The following DNAJB6 variants were observed in gnomAD, a reference collection of about 807,000 sequenced individuals.
DNAJB6 encodes the protein dnaJ homolog subfamily B member 6.
DNAJB6 carries 16 observed loss-of-function variants against 42.7 expected under a neutral mutation model. The ratio of observed to expected loss-of-function variants is 0.37; its 90% CI spans 0.25 to 0.57. The LOEUF (loss-of-function observed/expected upper bound fraction) is 0.57. Ranked by LOEUF, DNAJB6 falls within the 20% of genes least tolerant of loss-of-function variation. The pLI is 0.74. For missense variants in DNAJB6, 347 were observed against 416.8 expected (o/e 0.83, Z 1.46); for synonymous variants, 170 against 163.5 (o/e 1.04, Z -0.30).
intron 8 of DNAJB6, among the ~76,000 whole-genome samples, chr7:157,399,996 G>T (rs1368888015): frequency 6.6e-6 from 1 of 152,222 alleles, no homozygotes; most frequent in African/African-American, 2.4e-5. Flanking sequence ...ATATCAGCAT[G>T]AGTTAAGTTT....
At chr7:157,395,055 C>T (rs544799753) in intron 8 of DNAJB6, among the ~76,000 whole-genome samples, 44 of 152,256 alleles carry the variant, frequency 2.9e-4, no homozygotes, top group African/African-American at 9.6e-4. Context: ...TTGCACCACT[C>T]GGCACTCCAG....
At chr7:157,339,145 C>T (rs946042163) in intron 1 of DNAJB6, among the ~76,000 whole-genome samples, 3 of 152,030 alleles carry the variant, frequency 2.0e-5, no homozygotes, top group African/African-American at 7.3e-5. Flanking sequence ...CGTACATTAG[C>T]TTTCATTTTT....
intron 8 of DNAJB6, among the ~76,000 whole-genome samples, chr7:157,386,808 C>G (rs563965590): frequency 6.6e-6 from 1 of 151,168 alleles, no homozygotes; most frequent in Non-Finnish European, 1.5e-5. Flanking sequence ...TGCTTGAACC[C>G]GGGAGGTGGA....
At chr7:157,361,501 G>T (rs985615507) in intron 2 of DNAJB6, among the ~76,000 whole-genome samples, 11 of 152,262 alleles carry the variant, frequency 7.2e-5, no homozygotes, top group Admixed American at 5.9e-4. Flanking sequence ...TTACTGTTAA[G>T]TATTCTGGAC....
chr7:157,408,712 A>C lies in DNAJB6; in HGVS notation c.692-1083A>C, dbSNP rs561512036. ...GCACTCAGCACTGGAAGTGGTGTAT[A>C]GGCCAGTTTAATTGGAGAAGCTCCT... On this transcript the variant is annotated intron_variant, in intron 8 of 9. Transcript: ENST00000262177. Among the ~76,000 whole-genome samples, 3 of 152,328 alleles carry C rather than the reference A, an allele frequency of 2.0e-5. No individual in the cohort carries two copies. In the South Asian group the frequency reaches 6.2e-4, roughly 32 times the overall value.
In DNAJB6 at chr7:157,409,941, G is replaced by A; in HGVS notation, c.838G>A (p.Glu280Lys). 6.5e-7 allele frequency: 1 copy of A among 1,536,908 alleles called. No homozygotes were observed. Among genetic ancestry groups the A allele is most frequent in the South Asian group, 1.2e-5 (1 of 83,970 alleles). Residue 280 changes from glutamate to lysine, a missense_variant, in exon 9 of 10, where the codon GAG becomes AAG. By Grantham distance (56) the Glu-to-Lys change is moderately conservative. Transcript: ENST00000262177. The stretch of plus-strand genomic sequence containing the variant: ...CGCGCCTCACTGTCTCTCTGAGGAG[G>A]AGGGCGAGCAGGACCGACCTCGGGC... ...RHAPHCLSEE[E>K]GEQDRPRAPG... is the part of the protein sequence containing the mutation.
chr7:157,345,826 A>G (rs1437758141), intron 1 of DNAJB6, among the ~76,000 whole-genome samples: 3 of 152,318 alleles, frequency 2.0e-5, no homozygotes, highest in African/African-American at 4.8e-5. Context: ...ATGGACACCT[A>G]TGCTTGTAGA....
chr7:157,393,940 G>A (rs1254743943), intron 8 of DNAJB6, among the ~76,000 whole-genome samples: 7 of 152,130 alleles, frequency 4.6e-5, no homozygotes, highest in African/African-American at 9.7e-5. Flanking sequence ...AAGCATCCAC[G>A]GTGTTCTGAG....
At chr7:157,376,851 G>T (rs1016354172) in intron 5 of DNAJB6, among the ~76,000 whole-genome samples, 3 of 152,182 alleles carry the variant, frequency 2.0e-5, no homozygotes, top group Non-Finnish European at 4.4e-5. Context: ...CTACACTCCA[G>T]CCTGGGCGAC....
At chr7:157,373,642 T>C (rs995804472) in intron 5 of DNAJB6, among the ~76,000 whole-genome samples, 9 of 152,216 alleles carry the variant, frequency 5.9e-5, no homozygotes, top group Non-Finnish European at 1.3e-4. Flanking sequence ...TGAGCCACCA[T>C]GCCTGGCCAA....
intron 8 of DNAJB6, among the ~76,000 whole-genome samples, chr7:157,396,664 C>T (rs548553477): frequency 4.5e-4 from 69 of 152,280 alleles, no homozygotes; most frequent in African/African-American, 1.6e-3. Flanking sequence ...CTCTGTGGAC[C>T]GCAGCTGTGT....
intron 8 of DNAJB6, among the ~76,000 whole-genome samples, chr7:157,392,539 A>G (rs1250114429): frequency 6.6e-6 from 1 of 152,096 alleles, no homozygotes; most frequent in Non-Finnish European, 1.5e-5. Flanking sequence ...TGTGGGAAAC[A>G]GCCAGCTTTG....
chr7:157,386,145 C>T (rs1801045346), intron 8 of DNAJB6: 1 of 938,748 alleles, frequency 1.1e-6, no homozygotes, highest in East Asian at 1.2e-4. Context: ...AGGATGTTTT[C>T]TAGTTGTGCA....
At chr7:157,390,396 T>A (rs867766481) in intron 8 of DNAJB6, among the ~76,000 whole-genome samples, 2 of 152,138 alleles carry the variant, frequency 1.3e-5, no homozygotes, top group Non-Finnish European at 2.9e-5. Context: ...CCCTGTTAGG[T>A]TGGTTTCTCT....
Position 157,385,629 on chromosome 7 carries a change from C to T in DNAJB6, c.691+18C>T, listed in dbSNP as rs370850400. On this transcript the variant is annotated intron_variant, in intron 8 of 9. Coordinates refer to ENST00000262177, the MANE Select transcript of DNAJB6 (RefSeq NM_058246.4). ...AATAAATGGTAAGGAGCAGCTGCTG[C>T]GCTTGGATAACAAGTAATTCAACGC... 59 of 1,613,264 alleles carry T rather than the reference C, an allele frequency of 3.7e-5. No individual in the cohort carries two copies. The highest frequency in any genetic ancestry group is 4.4e-5 in the Non-Finnish European group (52 of 1,179,732).
chr7:157,381,019 A>G (rs1800739535), intron 5 of DNAJB6: 1 of 151,004 alleles, frequency 6.6e-6, no homozygotes. Flanking sequence ...TTTAGTAGAG[A>G]CAAAGTCTTG....
At chr7:157,389,949 G>A (rs976839319) in intron 8 of DNAJB6, among the ~76,000 whole-genome samples, 1 of 152,236 alleles carries the variant, frequency 6.6e-6, no homozygotes, top group African/African-American at 2.4e-5. Flanking sequence ...GCAGACCCCT[G>A]ACTGCGCTTT....
At chr7:157,346,339 TTAAAGA>T (rs896003674) in intron 1 of DNAJB6, among the ~76,000 whole-genome samples, 16 of 79,964 alleles carry the variant, frequency 2.0e-4, no homozygotes, top group South Asian at 4.4e-4. Context: ...AAAAAAAAAG[TTAAAGA>T]TACAACTTAG....
At position 157,369,743 on chromosome 7, in the gene DNAJB6, A is replaced by AGGCCTTTCATAACGTTATTATTAAACG. The variant is rs1800044498; in HGVS notation, c.346+2264_346+2265insTTTCATAACGTTATTATTAAACGGGCC. 1.2e-4 allele frequency among the ~76,000 whole-genome samples: 15 copies of AGGCCTTTCATAACGTTATTATTAAACG among 124,282 alleles called. 1 individual carries two copies. The highest frequency in any genetic ancestry group is 3.1e-4 in the Admixed American group (4 of 13,070). 81.5% of individuals were successfully genotyped at this position (124,282 alleles called of 152,430 possible). On this transcript the variant is annotated intron_variant, in intron 5 of 9. Transcript: ENST00000262177. ...CCCCTTCTTCACATTATTATTAAAC[A>AGGCCTTTCATAACGTTATTATTAAACG]GGCCCCTTCTTAACATTATTATTAA... is the stretch of plus-strand genomic sequence containing the variant.
Sources: allele counts gnomAD v4.1 joint callset (sites outside exome capture counted in the v4.1 genomes callset), GRCh38; gene constraint gnomAD v4.1.1; transcripts MANE v1.5; gene names NCBI Gene and HGNC (gene_info 2026-07-23, HGNC 2026-07-21).